The following PYROXD1 variants were observed in gnomAD, a reference collection of about 807,000 sequenced individuals.
PYROXD1 encodes the protein tRNA ligase complex-associated NAD(P)H dehydrogenase PYROXD1.
A neutral mutation model predicts 62.0 loss-of-function variants in PYROXD1; 42 were observed. That is an observed-to-expected ratio of 0.68 (90% confidence interval 0.53 to 0.88). PYROXD1 has a LOEUF of 0.88. Among genes scored for constraint, PYROXD1 ranks in the 40% least tolerant of loss-of-function variants. The probability of loss-of-function intolerance (pLI) is 0.00; values close to 1 mark genes in which losing one functional copy is unlikely to be tolerated. For synonymous variants in PYROXD1, 170 were observed against 206.4 expected, an observed-to-expected ratio of 0.82 and a Z score of 1.51; for missense variants, 493 against 604.8, an observed-to-expected ratio of 0.82 and a Z score of 1.94.
At chr12:21,437,973 T>G in intron 1 of PYROXD1, 159 bp downstream of exon 1, 1 of 679,200 alleles carries the variant, frequency 1.5e-6, no homozygotes, top group Non-Finnish European at 2.5e-6. Flanking sequence ...AACTGCTTGG[T>G]GGTCCTCAGA....
chr12:21,462,639 A>G (rs1344923758), intron 9 of PYROXD1, 101 bp from the exon 10 acceptor site: 2 of 1,297,726 alleles, frequency 1.5e-6, no homozygotes, highest in East Asian at 4.6e-5. Flanking sequence ...ATTAAAGATG[A>G]GCATGCAAAG....
chr12:21,462,868 C>G lies in PYROXD1; in HGVS notation c.1116+6C>G, dbSNP rs946793109. On this transcript the variant is annotated splice_donor_region_variant and intron_variant, in intron 10 of 11. Coordinates refer to ENST00000240651, the MANE Select transcript of PYROXD1 (RefSeq NM_024854.5). ...TGAGCCCAGTCTGGCAGCAGGTAAG[C>G]TAGCATATATAATTATATGTTTTCA... 1.2e-6 allele frequency: 2 copies of G among 1,611,734 alleles called. No individual in the cohort carries two copies. Among genetic ancestry groups the G allele is most frequent in the Admixed American group, 3.4e-5 (2 of 59,354 alleles).
intron 7 of PYROXD1, 91 bp downstream of exon 7, chr12:21,456,186 C>A: frequency 1.3e-6 from 1 of 787,124 alleles, no homozygotes; most frequent in East Asian, 2.7e-5. Flanking sequence ...ATATAGTCAA[C>A]GAACTGTTAG....
intron 10 of PYROXD1, among the ~76,000 whole-genome samples, chr12:21,463,895 A>C (rs1273506069): frequency 6.6e-6 from 1 of 152,164 alleles, no homozygotes; most frequent in Non-Finnish European, 1.5e-5. Context: ...TAAAGGAACC[A>C]GGCAACATTT....
chr12:21,450,825 T>C (rs1462383450), intron 4 of PYROXD1, among the ~76,000 whole-genome samples: 1 of 152,218 alleles, frequency 6.6e-6, no homozygotes, highest in Non-Finnish European at 1.5e-5. Context: ...AGCTCGGTCC[T>C]CTACATACAT....
chr12:21,449,419 A>G (rs1015408008), intron 3 of PYROXD1, 144 bp from the exon 4 acceptor site: 5 of 598,394 alleles, frequency 8.4e-6, no homozygotes, highest in Non-Finnish European at 1.1e-5. Context: ...TGTAATTGCT[A>G]TAACAAAGAA....
At chr12:21,448,808 A>G (rs1942439396) in intron 3 of PYROXD1, among the ~76,000 whole-genome samples, 1 of 152,204 alleles carries the variant, frequency 6.6e-6, no homozygotes, top group Non-Finnish European at 1.5e-5. Context: ...TTCATTCAGT[A>G]TTAAAGAACA....
At chr12:21,460,524 A>G (rs1247780464) in intron 7 of PYROXD1, among the ~76,000 whole-genome samples, 2 of 151,644 alleles carry the variant, frequency 1.3e-5, no homozygotes, top group Non-Finnish European at 2.9e-5. Context: ...CCCGGGTTCA[A>G]GCGAGTCTCC....
chr12:21,440,431 G>C lies in PYROXD1; in HGVS notation c.148G>C (p.Val50Leu). 1 of 1,595,530 alleles carries C rather than the reference G, an allele frequency of 6.3e-7. No homozygotes were observed. Residue 50 changes from valine (V) to leucine (L), a missense_variant, in exon 2 of 12, where the codon GTT becomes CTT. By Grantham distance (32) the Val-to-Leu change is conservative. Transcript: ENST00000240651. ...AACAGCTTCTCCTGTTATTAAAGCAGTTACAAATTTCAAGCAGGTAAGAAC... is the reference window on the plus strand; with the variant it reads ...AACAGCTTCTCCTGTTATTAAAGCACTTACAAATTTCAAGCAGGTAAGAAC... ...LVTASPVIKA[V>L]TNFKQISKIL...
At chr12:21,442,653 T>C (rs1265724997) in intron 2 of PYROXD1, among the ~76,000 whole-genome samples, 1 of 152,218 alleles carries the variant, frequency 6.6e-6, no homozygotes, top group African/African-American at 2.4e-5. Context: ...AAGTGACTCC[T>C]TTGCCAAAGC....
At position 21,450,369 on chromosome 12, in the gene PYROXD1, A is replaced by G. The variant is rs145764630; in HGVS notation, c.414+678A>G. The stretch of plus-strand genomic sequence containing the variant: ...AATTTTTTCCAAAAAGGTGAAGCGT[A>G]TTCAAAATGTACTGATCTTATTCTC... On this transcript the variant is annotated intron_variant, in intron 4 of 11. Transcript: ENST00000240651. Among the ~76,000 whole-genome samples the G allele has an allele frequency of 3.0e-4, 45 of 152,342 alleles. 3 individuals are homozygous for G. In the East Asian group the frequency reaches 8.7e-3, roughly 29 times the overall value.
chr12:21,460,142 A>T (rs1591952800), intron 7 of PYROXD1, among the ~76,000 whole-genome samples: 1 of 152,254 alleles, frequency 6.6e-6, no homozygotes, highest in South Asian at 2.1e-4. Context: ...TTTGGCTTTC[A>T]GTAGGTAGGA....
intron 3 of PYROXD1, among the ~76,000 whole-genome samples, chr12:21,445,841 C>T (rs907276248): frequency 7.2e-5 from 11 of 151,998 alleles, no homozygotes; most frequent in African/African-American, 2.4e-4. Flanking sequence ...ATAAAAAACA[C>T]AGTCACTGAA....
chr12:21,443,688 A>G (rs185086351), intron 2 of PYROXD1, among the ~76,000 whole-genome samples: 8 of 152,068 alleles, frequency 5.3e-5, no homozygotes. Context: ...CTTTCTTCCC[A>G]CCCTTCAGTG....
intron 3 of PYROXD1, among the ~76,000 whole-genome samples, 162 bp from the exon 4 acceptor site, chr12:21,449,401 C>T (rs1044931443): frequency 3.3e-5 from 5 of 152,120 alleles, no homozygotes; most frequent in Non-Finnish European, 7.4e-5. Flanking sequence ...TATTCTCATG[C>T]TTAGTTTTGT....
At chr12:21,455,410 A>G (rs1380244506) in intron 6 of PYROXD1, 118 bp downstream of exon 6, 2 of 408,358 alleles carry the variant, frequency 4.9e-6, no homozygotes, top group African/African-American at 4.2e-5. Context: ...GGATATTTAT[A>G]TATCTTTACA....
Position 21,459,942 on chromosome 12 carries a change from C to A in PYROXD1, c.751-1083C>A, listed in dbSNP as rs536043830. Among the ~76,000 whole-genome samples the A allele has an allele frequency of 3.3e-4, 50 of 152,250 alleles. 2 individuals carry two copies. In the South Asian group the frequency reaches 6.6e-3, roughly 20 times the overall value. On this transcript the variant is annotated intron_variant, in intron 7 of 11. Coordinates refer to ENST00000240651, the MANE Select transcript of PYROXD1 (RefSeq NM_024854.5). Reference sequence around the variant, plus strand: ...ACTTCAGATGCATGCAGTAAACTTACAAAAGTTATTAGATGGATTGGAAAT... The same window carrying A: ...ACTTCAGATGCATGCAGTAAACTTAAAAAAGTTATTAGATGGATTGGAAAT...
chr12:21,452,063 A>G lies in PYROXD1; in HGVS notation c.415-18A>G, dbSNP rs766182989. 1.4e-6 allele frequency: 2 copies of G among 1,477,438 alleles called. No homozygotes were observed. Among genetic ancestry groups the G allele is most frequent in the Non-Finnish European group, 1.9e-6 (2 of 1,070,426 alleles). 91.5% of individuals were successfully genotyped at this position (1,477,438 alleles called of 1,614,324 possible). ...CACTATTACAAAATACTACCTCATT[A>G]TTTTCTTTTTAACATAGGAATTTCA... is the stretch of plus-strand genomic sequence containing the variant. On this transcript the variant is annotated intron_variant, in intron 4 of 11. Transcript: ENST00000240651.
chr12:21,452,249 T>TG (rs1942514787), intron 5 of PYROXD1, 95 bp downstream of exon 5: 1 of 820,628 alleles, frequency 1.2e-6, no homozygotes, highest in Admixed American at 4.1e-5. Context: ...TGTGATTTGT[T>TG]GGCAGACTGG....
Sources: gnomAD v4.1 joint callset for allele counts (sites outside exome capture counted in the v4.1 genomes callset) on GRCh38, gnomAD v4.1.1 for gene constraint, MANE v1.5 for transcripts, NCBI Gene and HGNC (gene_info 2026-07-23, HGNC 2026-07-21) for gene names.